IGF2R: variants seen among roughly 807,000 people sequenced by gnomAD.
IGF2R encodes cation-independent mannose-6-phosphate receptor.
A neutral mutation model predicts 270.6 loss-of-function variants in IGF2R; 91 were observed. That is an observed-to-expected ratio of 0.34 (90% confidence interval 0.28 to 0.40). The LOEUF is 0.40. Ranked by LOEUF, IGF2R falls within the 10% of genes least tolerant of loss-of-function variation. The pLI, the probability that IGF2R is intolerant of heterozygous loss-of-function variation, is 1.00. For synonymous variants in IGF2R, 1,316 were observed against 1,258.9 expected (o/e 1.05, Z -0.96); for missense variants, 2,805 against 3,188.3 (o/e 0.88, Z 2.90).
chr6:160,074,725 A>G (rs1439442040), intron 35 of IGF2R, among the ~76,000 whole-genome samples: 1 of 152,218 alleles, frequency 6.6e-6, no homozygotes, highest in African/African-American at 2.4e-5. Flanking sequence ...TGCTTTAAAG[A>G]TGGATCCTCT....
At chr6:160,032,418 T>C in intron 7 of IGF2R, 133 bp from the exon 8 acceptor site, 3 of 718,572 alleles carry the variant, frequency 4.2e-6, no homozygotes, top group Non-Finnish European at 6.8e-6. Context: ...GAGGCAATTA[T>C]GATTCAAAAA....
At chr6:160,021,931 C>G (rs1367245864) in intron 4 of IGF2R, among the ~76,000 whole-genome samples, 1 of 152,004 alleles carries the variant, frequency 6.6e-6, no homozygotes, top group Non-Finnish European at 1.5e-5. Context: ...TACGTGCACT[C>G]GTCTGTTTAT....
At chr6:160,043,125 A>C in intron 11 of IGF2R, 23 bp from the exon 12 acceptor site, 1 of 1,612,752 alleles carries the variant, frequency 6.2e-7, no homozygotes, top group South Asian at 1.1e-5. Context: ...TTTTGGCTAA[A>C]ATACACTTTT....
At chr6:159,982,943 G>A (rs1783828333) in intron 1 of IGF2R, among the ~76,000 whole-genome samples, 1 of 152,202 alleles carries the variant, frequency 6.6e-6, no homozygotes, top group Non-Finnish European at 1.5e-5. Flanking sequence ...CATCTTGCAA[G>A]CTATTGTGGT....
At chr6:160,063,310 T>G in intron 26 of IGF2R, 105 bp from the exon 27 acceptor site, 2 of 852,048 alleles carry the variant, frequency 2.3e-6, no homozygotes, top group South Asian at 3.0e-5. Context: ...GTGCTGGGAT[T>G]ACAGGCGTGA....
At chr6:159,975,893 C>T (rs1783686999) in intron 1 of IGF2R, among the ~76,000 whole-genome samples, 1 of 151,094 alleles carries the variant, frequency 6.6e-6, no homozygotes, top group African/African-American at 2.4e-5. Flanking sequence ...GTTCTGTTTA[C>T]TAATACTTTA....
chr6:159,992,248 A>T (rs1243349891), intron 2 of IGF2R, among the ~76,000 whole-genome samples: 2 of 152,136 alleles, frequency 1.3e-5, no homozygotes, highest in Non-Finnish European at 2.9e-5. Flanking sequence ...ATTTTTATAG[A>T]TTTGGCAGTT....
chr6:160,084,227 A>T lies in IGF2R; in HGVS notation c.6068+43A>T. On this transcript the variant is annotated intron_variant, in intron 40 of 47. Transcript: ENST00000356956. This position sits in a 1 kb window ranked among gnomAD's most constrained non-coding sequence, Gnocchi z 4.6. ...CCACCCGCGGCGCCACACCCTCAGCATGTGAACTTCAGACTGCTTGACGAT... is the reference window on the plus strand; with the variant it reads ...CCACCCGCGGCGCCACACCCTCAGCTTGTGAACTTCAGACTGCTTGACGAT... 1 of 1,205,516 alleles carries T rather than the reference A, an allele frequency of 8.3e-7. No homozygotes were observed. Among genetic ancestry groups the T allele is most frequent in the Non-Finnish European group, 1.2e-6 (1 of 811,518 alleles). The allele number at this position is 1,205,516 out of a possible 1,614,324, so 74.7% of individuals were successfully genotyped here.
At chr6:160,085,238 A>C in intron 41 of IGF2R, 107 bp downstream of exon 41, 1 of 1,182,818 alleles carries the variant, frequency 8.5e-7, no homozygotes, top group Non-Finnish European at 1.2e-6. Flanking sequence ...TTTGGTGGAA[A>C]CCTCCAGATA....
intron 41 of IGF2R, among the ~76,000 whole-genome samples, chr6:160,085,513 TAC>T (rs1779081466): frequency 6.6e-6 from 1 of 152,250 alleles, no homozygotes; most frequent in South Asian, 2.1e-4. Flanking sequence ...GAGGACTTGG[TAC>T]AGGTAGTTCA....
chr6:160,047,939 C>A, intron 17 of IGF2R, 32 bp downstream of exon 17: 1 of 1,380,096 alleles, frequency 7.2e-7, no homozygotes, highest in Non-Finnish European at 1.0e-6. Context: ...TGTTTTTGGC[C>A]TGGTACAGAT....
At chr6:159,974,314 CTG>C (rs754399698) in intron 1 of IGF2R, among the ~76,000 whole-genome samples, 25 of 152,212 alleles carry the variant, frequency 1.6e-4, no homozygotes, top group Non-Finnish European at 3.1e-4. Context: ...TGCTTACTGA[CTG>C]GGTATTTTTT....
In IGF2R at chr6:160,010,700, T is replaced by A. The variant is rs1207120044; in HGVS notation, c.428T>A (p.Phe143Tyr). Residue 143 changes from phenylalanine (F) to tyrosine (Y), a missense_variant, in exon 4 of 48, where the codon TTT becomes TAT. Phe to Tyr is a conservative substitution (Grantham distance 22, BLOSUM62 3). Transcript: ENST00000356956. ...LCGKTLGTPEFVTATECVHYF... is the reference protein window; with the variant it reads ...LCGKTLGTPEYVTATECVHYF... ...TTTTTTTAATAGGGAACTCCTGAAT[T>A]TGTAACTGCAACAGAATGTGTGCAC... is the stretch of plus-strand genomic sequence containing the variant. 1 of 1,601,818 alleles carries A rather than the reference T, an allele frequency of 6.2e-7. No homozygotes were observed.
At chr6:160,056,031 C>T (rs1455234995) in intron 19 of IGF2R, among the ~76,000 whole-genome samples, 1 of 152,190 alleles carries the variant, frequency 6.6e-6, no homozygotes, top group South Asian at 2.1e-4. Flanking sequence ...CCTCTGACAG[C>T]GCAGGCCATT....
chr6:160,056,523 C>G lies in IGF2R; in HGVS notation c.2794C>G (p.Gln932Glu). The change falls in exon 20 of 48, where the codon CAG becomes GAG. Residue 932 changes from glutamine to glutamate, a missense_variant and splice_region_variant. By Grantham distance (29) the Gln-to-Glu change is conservative (BLOSUM62 2). This residue lies in a region of IGF2R where 1,851 missense variants were observed against 2,207.2 expected (regional missense o/e 0.84). Coordinates refer to ENST00000356956, the MANE Select transcript of IGF2R (RefSeq NM_000876.4). The stretch of plus-strand genomic sequence containing the variant: ...CATTCAGACAACGACGGATACAGAC[C>G]AGGTACGTGTGCTTTCACCTGGCCC... ...CPIQTTTDTD[Q>E]ACSIRDPNSG... 1.9e-6 allele frequency: 3 copies of G among 1,605,318 alleles called. No individual in the cohort carries two copies. The highest frequency in any genetic ancestry group is 2.6e-6 in the Non-Finnish European group (3 of 1,171,988).
intron 16 of IGF2R, 77 bp downstream of exon 16, chr6:160,047,413 G>A (rs1356052719): frequency 1.6e-6 from 2 of 1,271,412 alleles, no homozygotes. Context: ...AGCAGAGCTT[G>A]TATCAGTCTG....
chr6:159,992,318 G>A (rs140701539), intron 2 of IGF2R, among the ~76,000 whole-genome samples: 19 of 152,156 alleles, frequency 1.2e-4, no homozygotes, highest in African/African-American at 3.6e-4. Flanking sequence ...TTTAATACCC[G>A]TCACCCGAAT....
Position 160,103,729 on chromosome 6 carries a change from C to T in IGF2R, c.6996-17C>T. ...CTCTCTACACTGGAGTAATTATTGTCTCCTTTTTTTTTATAGGGAAACAGT... is the reference window on the plus strand; with the variant it reads ...CTCTCTACACTGGAGTAATTATTGTTTCCTTTTTTTTTATAGGGAAACAGT... On this transcript the variant is annotated splice_polypyrimidine_tract_variant and intron_variant, in intron 46 of 47. Transcript: ENST00000356956. 1 of 1,593,088 alleles carries T rather than the reference C, an allele frequency of 6.3e-7. No individual in the cohort carries two copies. Among genetic ancestry groups the T allele is most frequent in the Non-Finnish European group, 8.6e-7 (1 of 1,160,828 alleles).
At chr6:160,051,647 C>T (rs1350119973) in intron 19 of IGF2R, among the ~76,000 whole-genome samples, 2 of 151,970 alleles carry the variant, frequency 1.3e-5, no homozygotes, top group African/African-American at 2.4e-5. Context: ...ATGTGTAATA[C>T]AAAACAGGAA....
Sources: allele counts gnomAD v4.1 joint callset (sites outside exome capture counted in the v4.1 genomes callset), GRCh38; gene constraint gnomAD v4.1.1; regional missense constraint gnomAD v4.1.1; non-coding constraint Gnocchi (gnomAD v3.1); transcripts MANE v1.5; gene names NCBI Gene and HGNC (gene_info 2026-07-23, HGNC 2026-07-21).